The following PARN variants were observed in gnomAD, a reference collection of about 807,000 sequenced individuals.
The protein encoded by PARN is poly(A)-specific ribonuclease PARN.
A neutral mutation model predicts 102.8 loss-of-function variants in PARN; 71 were observed. The observed-to-expected ratio is 0.69, with a 90% confidence interval of 0.57 to 0.84. PARN has a LOEUF of 0.84. Among genes scored for constraint, PARN ranks in the 40% least tolerant of loss-of-function variants. The probability of loss-of-function intolerance (pLI) is 0.00; values close to 1 mark genes in which losing one functional copy is unlikely to be tolerated. For synonymous variants in PARN, 261 were observed against 252.9 expected, an observed-to-expected ratio of 1.03 and a Z score of -0.30; for missense variants, 782 against 760.9, an observed-to-expected ratio of 1.03 and a Z score of -0.33.
rs1046631224 is a variant in PARN at position 14,575,718 on chromosome 16, T to A, written c.1262+5156A>T. 2.6e-5 allele frequency among the ~76,000 whole-genome samples: 4 copies of A among 152,304 alleles called. No homozygotes were observed. The East Asian group carries it at 7.7e-4, about 29-fold the overall frequency. ...ATGCTGAAATAAGACTTTGGGGGAC[T>A]GTTGGGAAGGCATGACTGGTTTTGA... On this transcript the variant is annotated intron_variant, in intron 18 of 23. Transcript: ENST00000437198.
intron 22 of PARN, among the ~76,000 whole-genome samples, chr16:14,459,566 C>T (rs1203804868): frequency 3.9e-5 from 6 of 152,154 alleles, no homozygotes; most frequent in Non-Finnish European, 5.9e-5. Flanking sequence ...TTGGAAGACT[C>T]AATGTAGTTA....
chr16:14,598,325 GAAGA>G (rs1483866868), intron 12 of PARN, among the ~76,000 whole-genome samples: 1 of 152,054 alleles, frequency 6.6e-6, no homozygotes, highest in African/African-American at 2.4e-5. Context: ...ATATTCTGTA[GAAGA>G]AAGATGTCAG....
chr16:14,628,040 T>C (rs1313669980), intron 3 of PARN, 132 bp downstream of exon 3: 1 of 666,962 alleles, frequency 1.5e-6, no homozygotes, highest in African/African-American at 1.8e-5. Context: ...AAAAATCACT[T>C]CATGGCTAGG....
Position 14,505,613 on chromosome 16 carries a change from C to T in PARN, c.1481-22786G>A, listed in dbSNP as rs77600109. ...ATAAAATGAGGGGAGGGGGAAGATA[C>T]CTGTGGTTCATACAATTATAAGGAT... On this transcript the variant is annotated intron_variant, in intron 21 of 23. Coordinates refer to ENST00000437198, the MANE Select transcript of PARN (RefSeq NM_002582.4). 8.5e-3 allele frequency among the ~76,000 whole-genome samples: 1,295 copies of T among 152,110 alleles called. 22 individuals carry two copies. Among genetic ancestry groups the T allele is most frequent in the African/African-American group, 0.029 (1,215 of 41,490 alleles).
At chr16:14,503,270 T>C (rs866610678) in intron 21 of PARN, among the ~76,000 whole-genome samples, 2 of 152,170 alleles carry the variant, frequency 1.3e-5, no homozygotes, top group Middle Eastern at 3.2e-3. Context: ...GGGTAGTTTA[T>C]ACATGTCAAT....
chr16:14,456,428 T>C (rs1244274866), intron 22 of PARN, among the ~76,000 whole-genome samples: 1 of 152,022 alleles, frequency 6.6e-6, no homozygotes, highest in African/African-American at 2.4e-5. Context: ...CCCTCCTTGG[T>C]CCCCCAAAGT....
At chr16:14,606,335 C>A (rs7187148) in intron 10 of PARN, 149 bp downstream of exon 10, 5 of 445,604 alleles carry the variant, frequency 1.1e-5, no homozygotes, top group African/African-American at 8.2e-5. Flanking sequence ...GAAGTCAAGG[C>A]TGCAGTGAGC....
rs36100582 is a variant in PARN, at chr16:14,599,883, TA to T, written c.840+20del. 3 of 1,537,984 alleles carry T rather than the reference TA, an allele frequency of 2.0e-6. No homozygotes were observed. Among genetic ancestry groups the T allele is most frequent in the Non-Finnish European group, 2.7e-6 (3 of 1,117,648 alleles). ...GAAATAGTATGTTCTGCAATCTTGCTAAAAAGTCTGGCTCACTTACCGAATT... is the reference window on the plus strand; with the variant it reads ...GAAATAGTATGTTCTGCAATCTTGCTAAAAGTCTGGCTCACTTACCGAATT... On this transcript the variant is annotated intron_variant, in intron 12 of 23. Transcript: ENST00000437198.
intron 21 of PARN, among the ~76,000 whole-genome samples, chr16:14,503,965 A>G (rs114852518): frequency 0.01 from 1,556 of 152,320 alleles, 30 homozygotes; most frequent in African/African-American, 0.036. Context: ...TCTTAGAAGC[A>G]GTGAACCAAG....
intron 22 of PARN, among the ~76,000 whole-genome samples, chr16:14,461,008 G>A (rs1961933824): frequency 6.6e-6 from 1 of 152,224 alleles, no homozygotes; most frequent in Non-Finnish European, 1.5e-5. Context: ...CACATTGACA[G>A]CATGTTCCCT....
intron 21 of PARN, among the ~76,000 whole-genome samples, chr16:14,492,577 A>G (rs925294268): frequency 6.6e-6 from 1 of 152,144 alleles, no homozygotes; most frequent in Non-Finnish European, 1.5e-5. Flanking sequence ...ACCTAGAGCA[A>G]GTCAGGCCCT....
intron 21 of PARN, among the ~76,000 whole-genome samples, chr16:14,483,604 C>T (rs1030723869): frequency 3.3e-5 from 5 of 151,920 alleles, no homozygotes; most frequent in Admixed American, 2.0e-4. Flanking sequence ...ATTTGTACAC[C>T]CACATGTCAT....
chr16:14,580,413 G>A (rs533873732), intron 18 of PARN, among the ~76,000 whole-genome samples: 11 of 151,728 alleles, frequency 7.2e-5, no homozygotes, highest in South Asian at 2.1e-4. Context: ...ACAGCCTCCC[G>A]AGTAGCTGGG....
intron 21 of PARN, among the ~76,000 whole-genome samples, chr16:14,495,525 G>A (rs983420356): frequency 5.9e-5 from 9 of 152,192 alleles, no homozygotes; most frequent in Non-Finnish European, 8.8e-5. Flanking sequence ...TGAGAAGACT[G>A]CCTGGTGGGT....
intron 16 of PARN, among the ~76,000 whole-genome samples, chr16:14,583,874 C>T (rs761758957): frequency 1.3e-5 from 2 of 152,164 alleles, no homozygotes; most frequent in Non-Finnish European, 2.9e-5. Context: ...TTCCTCAGTG[C>T]TGCTGTTTCT....
intron 21 of PARN, among the ~76,000 whole-genome samples, chr16:14,516,634 C>T (rs1489623361): frequency 6.6e-6 from 1 of 152,204 alleles, no homozygotes; most frequent in Non-Finnish European, 1.5e-5. Flanking sequence ...TTACACCTAG[C>T]TGAGCCTACT....
Position 14,584,382 on chromosome 16 carries a change from C to T in PARN, c.1046G>A (p.Arg349Gln), listed in dbSNP as rs201053607. The change falls in exon 16 of 24, where the codon CGG becomes CAG. Residue 349 changes from arginine (R) to glutamine (Q), a missense_variant. By Grantham distance (43) the Arg-to-Gln change is conservative. Transcript: ENST00000437198. ...NNTSLAELEK[R>Q]LKETPFNPPK... is the part of the protein sequence containing the mutation. ...AGGGTTGAAAGGTGTCTCTTTTAAC[C>T]GCTTTTCCAATTCCGCAAGGGATGT... 3.2e-5 allele frequency: 52 copies of T among 1,613,208 alleles called. No individual in the cohort carries two copies. The highest frequency in any genetic ancestry group is 2.8e-4 in the African/African-American group (21 of 74,990).
chr16:14,469,427 A>G (rs1962582826), intron 22 of PARN, among the ~76,000 whole-genome samples: 1 of 152,230 alleles, frequency 6.6e-6, no homozygotes, highest in Non-Finnish European at 1.5e-5. Context: ...GATTCTAGAA[A>G]ATTCTCATTT....
At chr16:14,526,736 CTA>C (rs1172895379) in intron 21 of PARN, among the ~76,000 whole-genome samples, 2 of 152,218 alleles carry the variant, frequency 1.3e-5, no homozygotes, top group African/African-American at 4.8e-5. Context: ...TGTAGCCATC[CTA>C]TGTCTCCATT....
Sources: allele counts gnomAD v4.1 joint callset (sites outside exome capture counted in the v4.1 genomes callset), GRCh38; gene constraint gnomAD v4.1.1; transcripts MANE v1.5; gene names NCBI Gene and HGNC (gene_info 2026-07-23, HGNC 2026-07-21).